Variants in DNAAF9 observed in about 807,000 individuals in gnomAD.
DNAAF9 encodes the protein shulin.
In DNAAF9, 90 loss-of-function variants were observed where a neutral mutation model predicts 167.0. The observed-to-expected ratio is 0.54, with a 90% CI of 0.45 to 0.64. DNAAF9 has a LOEUF of 0.64. Ranked by LOEUF, DNAAF9 falls within the 30% of genes least tolerant of loss-of-function variation. The pLI is 0.00. For synonymous variants in DNAAF9, 491 were observed against 508.8 expected (o/e 0.96, Z 0.47); for missense variants, 1,315 against 1,442.2 (o/e 0.91, Z 1.43).
chr20:3,350,410 T>A (rs1022622748), intron 7 of DNAAF9, among the ~76,000 whole-genome samples: 1 of 151,812 alleles, frequency 6.6e-6, no homozygotes, highest in African/African-American at 2.4e-5. Flanking sequence ...CAAAAAAAAA[T>A]GTGTGTGTGT....
At chr20:3,252,993 C>G (rs980509060) in intron 36 of DNAAF9, among the ~76,000 whole-genome samples, 3 of 152,200 alleles carry the variant, frequency 2.0e-5, no homozygotes, top group African/African-American at 7.2e-5. Context: ...ACTCTGATGA[C>G]GACAGACTTC....
In DNAAF9 at chr20:3,259,957, G is replaced by A. The variant is rs1167096086; in HGVS notation, c.2945C>T (p.Pro982Leu). Reference protein sequence around the residue: ...MVQICVWFGRPLEKTRFVAKC... With the variant: ...MVQICVWFGRLLEKTRFVAKC... Reference sequence around the variant, plus strand: ...GGCCACAAAGCGAGTCTTCTCCAAGGGACGGCCAAACCATACGCAGATCTG... The same window carrying A: ...GGCCACAAAGCGAGTCTTCTCCAAGAGACGGCCAAACCATACGCAGATCTG... The change falls in exon 32 of 37, where the codon CCC (proline) becomes CTC (leucine). Residue 982 changes from proline to leucine, a missense_variant. Physicochemically the swap from Pro to Leu is moderately conservative, Grantham distance 98 (BLOSUM62 -3). This residue lies in a region of DNAAF9 where 334 missense variants were observed against 429.7 expected (regional missense o/e 0.78). Transcript: ENST00000252032. 1.2e-6 allele frequency: 2 copies of A among 1,611,936 alleles called. No homozygotes were observed. Among genetic ancestry groups the A allele is most frequent in the African/African-American group, 2.7e-5 (2 of 74,902 alleles).
At chr20:3,350,138 CAGACACACAGACACACAG>C (rs754391476) in intron 7 of DNAAF9, among the ~76,000 whole-genome samples, 3,322 of 122,470 alleles carry the variant, frequency 0.027, 41 homozygotes, top group African/African-American at 0.046. Context: ...CACAGACACA[CAGACACACAGACACACAG>C]ACACACACAC....
In DNAAF9 at chr20:3,315,006, A is replaced by G; in HGVS notation, c.1678+27T>C. On this transcript the variant is annotated intron_variant, in intron 20 of 36. Coordinates refer to ENST00000252032, the MANE Select transcript of DNAAF9 (RefSeq NM_001009984.3). This position sits in a 1 kb window ranked among gnomAD's most constrained non-coding sequence, Gnocchi z 4.1. ...GCAAATGAGGGACCCAGACATGGCCAAAAACATTAAAGTCATAGCTCCTTA... is the reference window on the plus strand; with the variant it reads ...GCAAATGAGGGACCCAGACATGGCCGAAAACATTAAAGTCATAGCTCCTTA... The G allele has an allele frequency of 7.0e-7, 1 of 1,428,132 alleles. No individual in the cohort carries two copies. The highest frequency in any genetic ancestry group is 9.9e-7 in the Non-Finnish European group (1 of 1,014,838). 88.5% of individuals were successfully genotyped at this position (1,428,132 alleles called of 1,614,324 possible).
intron 21 of DNAAF9, among the ~76,000 whole-genome samples, chr20:3,301,040 G>T (rs1238515409): frequency 6.6e-6 from 1 of 150,656 alleles, no homozygotes; most frequent in East Asian, 2.0e-4. Flanking sequence ...TCAGAGACAG[G>T]GTCTTGCTCT....
At chr20:3,396,111 C>A (rs752040181) in intron 1 of DNAAF9, among the ~76,000 whole-genome samples, 1 of 152,252 alleles carries the variant, frequency 6.6e-6, no homozygotes, top group Non-Finnish European at 1.5e-5. Flanking sequence ...GATTGTGAGG[C>A]TTCCCCAGCC....
In DNAAF9 at chr20:3,321,935, C is replaced by T. The variant is rs116285943; in HGVS notation, c.1356+282G>A. Among the ~76,000 whole-genome samples, 755 of 152,304 alleles carry T rather than the reference C, an allele frequency of 5.0e-3. 6 individuals are homozygous for T. Among genetic ancestry groups the T allele is most frequent in the African/African-American group, 0.017 (702 of 41,562 alleles). On this transcript the variant is annotated intron_variant, in intron 16 of 36. Transcript: ENST00000252032. ...ATCTCAGCTACCTGTAGGAAGGCTT[C>T]ATAACCCAGAAAGAGGTGCCTCCCA...
At position 3,298,175 on chromosome 20, in the gene DNAAF9, C is replaced by G. The variant is rs1282575682; in HGVS notation, c.1783G>C (p.Asp595His). 6.2e-7 allele frequency: 1 copy of G among 1,611,592 alleles called. No individual in the cohort carries two copies. The change falls in exon 22 of 37, where the codon GAT (aspartate) becomes CAT (histidine). Residue 595 changes from aspartate (D) to histidine (H), a missense_variant and splice_region_variant. Asp to His is a moderately conservative substitution (Grantham distance 81, BLOSUM62 -1). This residue lies in a region of DNAAF9 where 981 missense variants were observed against 1,012.5 expected (regional missense o/e 0.97). Transcript: ENST00000252032. Reference sequence around the variant, plus strand: ...AGAGCAGCAACAGTACTGGTGGAATCCTAAAGCGAAAAGGAGGGAGCATCA... The same window carrying G: ...AGAGCAGCAACAGTACTGGTGGAATGCTAAAGCGAAAAGGAGGGAGCATCA... ...HMNSISFYDG[D>H]STSTVAALLI... is the part of the protein sequence containing the mutation.
intron 12 of DNAAF9, among the ~76,000 whole-genome samples, chr20:3,329,491 T>C (rs2069780557): frequency 6.6e-6 from 1 of 152,232 alleles, no homozygotes; most frequent in African/African-American, 2.4e-5. Context: ...TAATGGGTAG[T>C]GCCAGACAGG....
chr20:3,294,697 G>C, intron 23 of DNAAF9, 68 bp from the exon 24 acceptor site: 1 of 1,006,454 alleles, frequency 9.9e-7, no homozygotes, highest in Non-Finnish European at 1.6e-6. Flanking sequence ...ACACAACTGG[G>C]CCTGATGCTT....
chr20:3,316,013 T>A, intron 18 of DNAAF9: 1 of 580,710 alleles, frequency 1.7e-6, no homozygotes, highest in Non-Finnish European at 3.1e-6. Context: ...GTCCAGCTAA[T>A]GAGCTTATGA....
chr20:3,351,101 C>A (rs533325430), intron 7 of DNAAF9, among the ~76,000 whole-genome samples: 9 of 152,054 alleles, frequency 5.9e-5, no homozygotes, highest in African/African-American at 1.4e-4. Flanking sequence ...AAAAATCAAC[C>A]CTGAAACTGA....
chr20:3,407,052 T>C (rs886127936), intron 1 of DNAAF9, among the ~76,000 whole-genome samples: 1 of 152,090 alleles, frequency 6.6e-6, no homozygotes, highest in Non-Finnish European at 1.5e-5. Flanking sequence ...GTCTGTAGAG[T>C]AGCAGTTTCT....
Position 3,326,420 on chromosome 20 carries a change from T to C in DNAAF9, c.1101-136A>G, listed in dbSNP as rs59387291. 1,842 of 633,866 alleles carry C rather than the reference T, an allele frequency of 2.9e-3. 27 individuals carry two copies. The African/African-American group carries it at 0.031, about 11-fold the overall frequency. The allele number at this position is 633,866 out of a possible 1,614,324, so 39.3% of individuals were successfully genotyped here. ...AAAAGGCAAAAATATAACCCACTGATTTCTAAACCTTTTAAAAGTCACATG... is the reference window on the plus strand; with the variant it reads ...AAAAGGCAAAAATATAACCCACTGACTTCTAAACCTTTTAAAAGTCACATG... On this transcript the variant is annotated intron_variant, in intron 12 of 36. Transcript: ENST00000252032.
chr20:3,407,379 C>G, intron 1 of DNAAF9, 96 bp downstream of exon 1: 1 of 1,022,160 alleles, frequency 9.8e-7, no homozygotes, highest in Non-Finnish European at 1.3e-6. Flanking sequence ...CCGAGGAAGC[C>G]ATGTCGGACC....
intron 23 of DNAAF9, 73 bp downstream of exon 23, chr20:3,296,788 C>A: frequency 2.2e-6 from 2 of 922,124 alleles, no homozygotes; most frequent in Admixed American, 1.9e-5. Flanking sequence ...TTACATAATG[C>A]GAGGCATCCT....
intron 1 of DNAAF9, among the ~76,000 whole-genome samples, chr20:3,406,687 C>G (rs1377970712): frequency 6.6e-6 from 1 of 152,140 alleles, no homozygotes; most frequent in African/African-American, 2.4e-5. Context: ...ACTGAGGTAG[C>G]TTGGGACTGT....
intron 6 of DNAAF9, among the ~76,000 whole-genome samples, chr20:3,362,890 T>C (rs1009155049): frequency 4.4e-4 from 67 of 152,290 alleles, no homozygotes; most frequent in African/African-American, 1.6e-3. Flanking sequence ...TCTTTCTTGG[T>C]TAACTACCCT....
intron 8 of DNAAF9, among the ~76,000 whole-genome samples, chr20:3,347,449 A>C (rs761874867): frequency 6.6e-6 from 1 of 152,200 alleles, no homozygotes; most frequent in Non-Finnish European, 1.5e-5. Flanking sequence ...GGTCTACACA[A>C]AGGAATGAAG....
Sources: gnomAD v4.1 joint callset for allele counts (sites outside exome capture counted in the v4.1 genomes callset) on GRCh38, gnomAD v4.1.1 for gene constraint, gnomAD v4.1.1 regional missense constraint, Gnocchi (gnomAD v3.1) non-coding constraint, MANE v1.5 for transcripts, NCBI Gene and HGNC (gene_info 2026-07-23, HGNC 2026-07-21) for gene names.